NRDE2: variants seen among roughly 807,000 people sequenced by gnomAD.
NRDE2 encodes NRDE-2, necessary for RNA interference, domain containing.
NRDE2 carries 76 observed loss-of-function variants against 124.2 expected under a neutral mutation model. The ratio of observed to expected loss-of-function variants is 0.61; its 90% CI spans 0.51 to 0.74. The LOEUF is 0.74. Ranked by LOEUF, NRDE2 falls within the 30% of genes least tolerant of loss-of-function variation. The pLI, the probability that NRDE2 is intolerant of heterozygous loss-of-function variation, is 0.00. For synonymous variants in NRDE2, 489 were observed against 528.1 expected (o/e 0.93, Z 1.01); for missense variants, 1,314 against 1,417.3 (o/e 0.93, Z 1.17).
At chr14:90,307,940 G>A (rs1884677074) in intron 4 of NRDE2, among the ~76,000 whole-genome samples, 2 of 152,156 alleles carry the variant, frequency 1.3e-5, no homozygotes, top group African/African-American at 4.8e-5. Context: ...TAGAGATGCA[G>A]CCTCACTATG....
At chr14:90,318,171 G>C in intron 1 of NRDE2, 58 bp from the exon 2 acceptor site, 1 of 1,358,024 alleles carries the variant, frequency 7.4e-7, no homozygotes, top group Non-Finnish European at 1.0e-6. Flanking sequence ...TTCTAAAGCA[G>C]GAGATCTATC....
intron 9 of NRDE2, among the ~76,000 whole-genome samples, chr14:90,291,163 A>G (rs1233989035): frequency 6.6e-6 from 1 of 152,242 alleles, no homozygotes. Context: ...AAAAGCAATT[A>G]TAAGAGCCTA....
rs371403922 is a variant in NRDE2, at chr14:90,303,985, G to A, written c.955C>T (p.Arg319Trp). 9.3e-6 allele frequency: 15 copies of A among 1,613,664 alleles called. No individual in the cohort carries two copies. The highest frequency in any genetic ancestry group is 2.2e-5 in the South Asian group (2 of 91,060). ...AKVEEFNRRV[R>W]ENPRDTQLWM... Reference sequence around the variant, plus strand: ...AGCTGCGTATCCCGAGGATTCTCCCGCACCCTCCTGTTAAACTCCTCCACC... The same window carrying A: ...AGCTGCGTATCCCGAGGATTCTCCCACACCCTCCTGTTAAACTCCTCCACC... The change falls in exon 5 of 14, where the codon CGG (arginine) becomes TGG (tryptophan). Residue 319 changes from arginine (R) to tryptophan (W), a missense_variant. By Grantham distance (101) the Arg-to-Trp change is moderately radical. Coordinates refer to ENST00000354366, the MANE Select transcript of NRDE2 (RefSeq NM_017970.4).
Position 90,288,542 on chromosome 14 carries a change from C to G in NRDE2, c.2833G>C (p.Glu945Gln), listed in dbSNP as rs143522507. 8.1e-6 allele frequency: 13 copies of G among 1,614,018 alleles called. No homozygotes were observed. The East Asian group carries it at 2.7e-4, about 33-fold the overall frequency. Residue 945 changes from glutamate to glutamine, a missense_variant, in exon 11 of 14, where the codon GAG (glutamate) becomes CAG (glutamine). By Grantham distance (29) the Glu-to-Gln change is conservative. Transcript: ENST00000354366. ...CTCTGGGAGCTGGCACTGTCCCCCT[C>G]GCCAGAGCCTTCTGGGAAAACAGAA... is the stretch of plus-strand genomic sequence containing the variant. ...NSSVFPEGSG[E>Q]GDSASSQSWT...
chr14:90,313,139 T>C (rs1167243726), intron 3 of NRDE2, among the ~76,000 whole-genome samples: 1 of 148,426 alleles, frequency 6.7e-6, no homozygotes, highest in Non-Finnish European at 1.5e-5. Flanking sequence ...TTTTTTTTTT[T>C]TTTTTGAGAC....
chr14:90,297,962 A>G (rs1447813671), intron 8 of NRDE2, among the ~76,000 whole-genome samples: 2 of 148,874 alleles, frequency 1.3e-5, no homozygotes, highest in African/African-American at 4.9e-5. Context: ...AAAAAAAAGA[A>G]TGAGGATTGG....
rs755555174 is a variant in NRDE2 at position 90,288,871 on chromosome 14, G to A, written c.2504C>T (p.Ser835Leu). The change falls in exon 11 of 14, where the codon TCG becomes TTG. Residue 835 changes from serine to leucine, a missense_variant. Coordinates refer to ENST00000354366, the MANE Select transcript of NRDE2 (RefSeq NM_017970.4). ...LLYAELEVELSPEVRRAATAR... is the reference protein window; with the variant it reads ...LLYAELEVELLPEVRRAATAR... ...TGTGGCAGCCCTTCTCACTTCTGGCGACAGCTCCACCTCCAGCTCAGCATA... is the reference window on the plus strand; with the variant it reads ...TGTGGCAGCCCTTCTCACTTCTGGCAACAGCTCCACCTCCAGCTCAGCATA... 28 of 1,614,022 alleles carry A rather than the reference G, an allele frequency of 1.7e-5. No homozygotes were observed. The highest frequency in any genetic ancestry group is 1.3e-4 in the African/African-American group (10 of 74,924).
chr14:90,288,071 C>A, intron 11 of NRDE2, 146 bp downstream of exon 11: 1 of 727,204 alleles, frequency 1.4e-6, no homozygotes, highest in East Asian at 2.6e-5. Flanking sequence ...ATCCGTTATC[C>A]TATGACACCT....
chr14:90,301,267 C>A lies in NRDE2; in HGVS notation c.1517G>T (p.Ser506Ile). The change falls in exon 7 of 14, where the codon AGC becomes ATC. Residue 506 changes from serine (S) to isoleucine (I), a missense_variant. By Grantham distance (142) the Ser-to-Ile change is moderately radical. Transcript: ENST00000354366. ...TCCTTTGGTAGGCAGATCTTTCACG[C>A]TGTCGGGTTTGAAGAAGGTGAAGTC... is the stretch of plus-strand genomic sequence containing the variant. ...MVDFTFFKPD[S>I]VKDLPTKGQV... The A allele has an allele frequency of 6.2e-7, 1 of 1,613,706 alleles. No individual in the cohort carries two copies. The highest frequency in any genetic ancestry group is 8.5e-7 in the Non-Finnish European group (1 of 1,179,774).
intron 2 of NRDE2, 49 bp downstream of exon 2, chr14:90,317,956 A>G (rs760821960): frequency 1.5e-6 from 2 of 1,373,288 alleles, no homozygotes; most frequent in East Asian, 4.6e-5. Flanking sequence ...GCTAAGCTAT[A>G]GACAGTAAAC....
intron 10 of NRDE2, among the ~76,000 whole-genome samples, chr14:90,289,524 G>C (rs771587051): frequency 6.6e-6 from 1 of 152,210 alleles, no homozygotes; most frequent in Non-Finnish European, 1.5e-5. Context: ...GGCCAGCAGA[G>C]GACAGAACAG....
At chr14:90,320,372 A>G (rs565857730) in intron 1 of NRDE2, among the ~76,000 whole-genome samples, 5 of 152,212 alleles carry the variant, frequency 3.3e-5, no homozygotes, top group Non-Finnish European at 5.9e-5. Flanking sequence ...AGCCCCTTAT[A>G]AAACCATCAG....
chr14:90,289,159 GAGA>G lies in NRDE2; in HGVS notation c.2230-17_2230-15del, dbSNP rs1566685856. On this transcript the variant is annotated splice_polypyrimidine_tract_variant and intron_variant, in intron 10 of 13. Coordinates refer to ENST00000354366, the MANE Select transcript of NRDE2 (RefSeq NM_017970.4). Reference sequence around the variant, plus strand: ...GCACCAAATGACCTACAGGGAAAAAGAGAAGAATGACTGCAGGTGCTCTGTAAT... The same window carrying G: ...GCACCAAATGACCTACAGGGAAAAAGAGAATGACTGCAGGTGCTCTGTAAT... The G allele has an allele frequency of 6.3e-6, 10 of 1,578,894 alleles. No individual in the cohort carries two copies. The highest frequency in any genetic ancestry group is 8.6e-6 in the Non-Finnish European group (10 of 1,156,930).
At chr14:90,293,656 T>TGAC (rs1173601702) in intron 8 of NRDE2, among the ~76,000 whole-genome samples, 1 of 152,202 alleles carries the variant, frequency 6.6e-6, no homozygotes, top group Non-Finnish European at 1.5e-5. Flanking sequence ...ATGGCACTAG[T>TGAC]TTAGATTTTC....
chr14:90,321,649 T>C (rs997737138), intron 1 of NRDE2, among the ~76,000 whole-genome samples: 2 of 151,926 alleles, frequency 1.3e-5, no homozygotes, highest in Non-Finnish European at 2.9e-5. Flanking sequence ...GCCAATCAAA[T>C]GACCTCCTGT....
intron 6 of NRDE2, among the ~76,000 whole-genome samples, chr14:90,302,289 C>T (rs889827902): frequency 6.6e-6 from 1 of 152,182 alleles, no homozygotes; most frequent in African/African-American, 2.4e-5. Flanking sequence ...CAGGTTCCTT[C>T]AGGACACACC....
At chr14:90,284,612 G>A (rs777003108) in intron 12 of NRDE2, among the ~76,000 whole-genome samples, 3 of 152,114 alleles carry the variant, frequency 2.0e-5, no homozygotes, top group East Asian at 1.9e-4. Context: ...CAGGTGATCC[G>A]GCTCCCTCAG....
chr14:90,287,251 G>A (rs561482324), intron 11 of NRDE2, among the ~76,000 whole-genome samples: 17 of 152,172 alleles, frequency 1.1e-4, no homozygotes, highest in African/African-American at 4.1e-4. Context: ...TGAAGCAACA[G>A]CAAAGATTCT....
intron 13 of NRDE2, 116 bp downstream of exon 13, chr14:90,278,946 C>T (rs556943130): frequency 2.0e-5 from 15 of 749,350 alleles, no homozygotes; most frequent in Non-Finnish European, 2.6e-5. Flanking sequence ...CAGGGTATGG[C>T]GTCCATGAGC....
Sources: allele counts gnomAD v4.1 joint callset (sites outside exome capture counted in the v4.1 genomes callset), GRCh38; gene constraint gnomAD v4.1.1; transcripts MANE v1.5; gene names NCBI Gene and HGNC (gene_info 2026-07-23, HGNC 2026-07-21).